The following EHBP1 variants were observed in gnomAD, a reference collection of about 807,000 sequenced individuals.
EHBP1 encodes EH domain binding protein 1.
EHBP1 carries 55 observed loss-of-function variants against 144.0 expected under a neutral mutation model. The observed-to-expected ratio is 0.38, with a 90% CI of 0.31 to 0.48. EHBP1 has a LOEUF of 0.48. EHBP1 is among the 20% of genes least tolerant of loss of function. The probability of loss-of-function intolerance (pLI) is 0.98; values close to 1 mark genes in which losing one functional copy is unlikely to be tolerated. For missense variants in EHBP1, 1,200 were observed against 1,364.2 expected (o/e 0.88, Z 1.90); for synonymous variants, 469 against 472.7 (o/e 0.99, Z 0.10).
chr2:62,826,040 A>G (rs754258647), intron 5 of EHBP1, 47 bp from the exon 6 acceptor site: 8 of 1,356,020 alleles, frequency 5.9e-6, no homozygotes, highest in Non-Finnish European at 7.8e-6. Context: ...ATGTTTGGCT[A>G]TAAAATAACT....
intron 14 of EHBP1, among the ~76,000 whole-genome samples, chr2:62,974,979 CAG>C (rs2058651668): frequency 6.6e-6 from 1 of 152,150 alleles, no homozygotes; most frequent in African/African-American, 2.4e-5. Flanking sequence ...GGAGTTCAGA[CAG>C]GGCACAGTGG....
In EHBP1 at chr2:62,747,450, A is replaced by G. The variant is rs1233234338; in HGVS notation, c.160A>G (p.Lys54Glu). 5 of 1,605,966 alleles carry G rather than the reference A, an allele frequency of 3.1e-6. No homozygotes were observed. The Admixed American group carries it at 8.4e-5, about 27-fold the overall frequency. ...WTRRSRRKSS[K>E]AHSWQPGIKN... The stretch of plus-strand genomic sequence containing the variant: ...CAGAAGAAGCCGAAGGAAGTCTTCT[A>G]AGGTTAGTGTATTTTCTAAATTTCT... The change falls in exon 3 of 23, where the codon AAG becomes GAG. Residue 54 changes from lysine (K) to glutamate (E), a missense_variant and splice_region_variant. This residue lies in a region of EHBP1 where 137 missense variants were observed against 190.1 expected (regional missense o/e 0.72). Coordinates refer to ENST00000431489, the MANE Select transcript of EHBP1 (RefSeq NM_001142616.3).
intron 10 of EHBP1, among the ~76,000 whole-genome samples, chr2:62,898,889 T>TTTAGATAGAC (rs1374327657): frequency 1.3e-5 from 2 of 152,168 alleles, no homozygotes; most frequent in African/African-American, 2.4e-5. Flanking sequence ...TGAATTTGGT[T>TTTAGATAGAC]TTAGATAGAC....
At chr2:62,900,703 T>TATA (rs1558881616) in intron 10 of EHBP1, among the ~76,000 whole-genome samples, 1 of 150,462 alleles carries the variant, frequency 6.6e-6, no homozygotes, top group African/African-American at 2.5e-5. Flanking sequence ...TATATATATA[T>TATA]TTTCTTTCTC....
intron 19 of EHBP1, among the ~76,000 whole-genome samples, chr2:63,016,655 T>C (rs1297741493): frequency 2.0e-5 from 3 of 152,120 alleles, no homozygotes; most frequent in African/African-American, 7.2e-5. Flanking sequence ...GGTCTCGAAC[T>C]CCTGAGCTCA....
rs566718688 is a variant in EHBP1, at chr2:63,040,206, TCATA to T, written c.3277+1393_3277+1396del. 2.1e-4 allele frequency among the ~76,000 whole-genome samples: 31 copies of T among 150,964 alleles called. 1 individual carries two copies. In the South Asian group the frequency reaches 5.8e-3, roughly 28 times the overall value. ...TAGTATATATAATACATATAACTCATCATACAGTTTATTATTTATAGATTCATTG... is the reference window on the plus strand; with the variant it reads ...TAGTATATATAATACATATAACTCATCAGTTTATTATTTATAGATTCATTG... On this transcript the variant is annotated intron_variant, in intron 21 of 22. Coordinates refer to ENST00000431489, the MANE Select transcript of EHBP1 (RefSeq NM_001142616.3).
chr2:62,938,791 G>A (rs564601022), intron 10 of EHBP1, among the ~76,000 whole-genome samples: 9 of 149,200 alleles, frequency 6.0e-5, no homozygotes, highest in South Asian at 2.1e-4. Flanking sequence ...TCTAGTGAAA[G>A]CTTTGTTTGT....
chr2:62,736,463 AT>A (rs963300377), intron 2 of EHBP1, among the ~76,000 whole-genome samples: 14 of 151,986 alleles, frequency 9.2e-5, no homozygotes, highest in African/African-American at 3.4e-4. Flanking sequence ...ACCTCAAGTG[AT>A]CCACCTGCCT....
chr2:62,957,176 G>A (rs2057744968), intron 14 of EHBP1, among the ~76,000 whole-genome samples: 1 of 152,228 alleles, frequency 6.6e-6, no homozygotes, highest in Admixed American at 6.5e-5. Flanking sequence ...TTCTAGGAAT[G>A]CAAGATTGTT....
intron 2 of EHBP1, among the ~76,000 whole-genome samples, chr2:62,717,436 T>C (rs1490394663): frequency 6.6e-6 from 1 of 152,248 alleles, no homozygotes; most frequent in Non-Finnish European, 1.5e-5. Flanking sequence ...ACAAAGCATT[T>C]TGAATACTCA....
At chr2:63,031,826 G>A (rs943531138) in intron 19 of EHBP1, among the ~76,000 whole-genome samples, 1 of 152,120 alleles carries the variant, frequency 6.6e-6, no homozygotes, top group African/African-American at 2.4e-5. Flanking sequence ...CAACACGAGA[G>A]GCTGAGGCCA....
intron 12 of EHBP1, among the ~76,000 whole-genome samples, chr2:62,946,968 A>G (rs962392401): frequency 2.0e-5 from 3 of 152,172 alleles, no homozygotes; most frequent in African/African-American, 7.2e-5. Flanking sequence ...ATCTTAACCA[A>G]TATGTCAGTG....
intron 1 of EHBP1, among the ~76,000 whole-genome samples, chr2:62,693,853 G>C (rs2033992195): frequency 6.6e-6 from 1 of 152,028 alleles, no homozygotes; most frequent in East Asian, 1.9e-4. Flanking sequence ...TCCCACATAT[G>C]AGTGAGAACA....
At chr2:62,967,796 C>T (rs1026190224) in intron 14 of EHBP1, among the ~76,000 whole-genome samples, 15 of 152,062 alleles carry the variant, frequency 9.9e-5, no homozygotes, top group Non-Finnish European at 1.9e-4. Flanking sequence ...TCTAATCTGG[C>T]AAGGTAAAGA....
intron 2 of EHBP1, among the ~76,000 whole-genome samples, chr2:62,721,621 T>C (rs1007392008): frequency 1.3e-5 from 2 of 152,240 alleles, no homozygotes; most frequent in Non-Finnish European, 2.9e-5. Flanking sequence ...TGGTCACCAA[T>C]TTAAAAATTC....
intron 5 of EHBP1, among the ~76,000 whole-genome samples, chr2:62,773,560 A>G (rs1401390562): frequency 1.3e-5 from 2 of 152,092 alleles, no homozygotes; most frequent in African/African-American, 4.8e-5. Context: ...TAAATCCTGT[A>G]AGGATTATTC....
At chr2:62,928,044 AAAT>A (rs2055670481) in intron 10 of EHBP1, among the ~76,000 whole-genome samples, 1 of 152,202 alleles carries the variant, frequency 6.6e-6, no homozygotes, top group Non-Finnish European at 1.5e-5. Flanking sequence ...AGAAAAATGA[AAAT>A]AAAAACACAG....
intron 5 of EHBP1, among the ~76,000 whole-genome samples, chr2:62,798,400 C>T (rs1389328267): frequency 6.6e-6 from 1 of 151,688 alleles, no homozygotes. Flanking sequence ...CTGTAGAAAT[C>T]TCAATTCTCT....
rs186779304 is a variant in EHBP1 at position 62,753,315 on chromosome 2, T to C, written c.162+5863T>C. Among the ~76,000 whole-genome samples, 1,450 of 152,338 alleles carry C rather than the reference T, an allele frequency of 9.5e-3. 8 individuals carry two copies. Among genetic ancestry groups the C allele is most frequent in the Admixed American group, 0.016 (242 of 15,300 alleles). ...GGTTGAAAATTCTTTTCTTTAAGAA[T>C]GTTGAATATTGGCCCCCACTCTCTT... is the stretch of plus-strand genomic sequence containing the variant. On this transcript the variant is annotated intron_variant, in intron 3 of 22. Transcript: ENST00000431489.
Sources: allele counts gnomAD v4.1 joint callset (sites outside exome capture counted in the v4.1 genomes callset), GRCh38; gene constraint gnomAD v4.1.1; regional missense constraint gnomAD v4.1.1; transcripts MANE v1.5; gene names NCBI Gene and HGNC (gene_info 2026-07-23, HGNC 2026-07-21).